The following ENOX1 variants were observed in gnomAD, a reference collection of about 807,000 sequenced individuals.
ENOX1 encodes the protein candidate growth-related and time keeping constitutive hydroquinone (NADH) oxidase.
ENOX1 carries 42 observed loss-of-function variants against 82.5 expected under a neutral mutation model. The observed-to-expected ratio is 0.51, with a 90% confidence interval of 0.40 to 0.66. The LOEUF is 0.66. Ranked by LOEUF, ENOX1 falls within the 30% of genes least tolerant of loss-of-function variation. The pLI, the probability that ENOX1 is intolerant of heterozygous loss-of-function variation, is 0.00. For missense variants in ENOX1, 608 were observed against 811.6 expected, an observed-to-expected ratio of 0.75 and a Z score of 3.05; for synonymous variants, 271 against 282.2, an observed-to-expected ratio of 0.96 and a Z score of 0.40.
intron 1 of ENOX1, among the ~76,000 whole-genome samples, chr13:43,704,691 T>C (rs561418172): frequency 1.3e-5 from 2 of 152,300 alleles, no homozygotes; most frequent in East Asian, 3.9e-4. Flanking sequence ...AATCCTTGGC[T>C]GATCACTTAA....
chr13:43,772,641 C>T (rs1215492322), intron 1 of ENOX1, among the ~76,000 whole-genome samples: 3 of 150,954 alleles, frequency 2.0e-5, no homozygotes, highest in African/African-American at 7.3e-5. Flanking sequence ...CCCAGCTACT[C>T]GGGAGGCTGA....
intron 2 of ENOX1, among the ~76,000 whole-genome samples, chr13:43,538,635 A>G (rs1410550427): frequency 6.6e-6 from 1 of 152,184 alleles, no homozygotes; most frequent in East Asian, 1.9e-4. Context: ...TGTTTTCATC[A>G]GGATTTTGTA....
rs9567157 is a variant in ENOX1, at chr13:43,351,416, A to T, written c.823+4503T>A. ...TCTTTTTATTTTATTTATTTATTTT[A>T]TTTATTTATTTATTTATTTTTTATT... is the stretch of plus-strand genomic sequence containing the variant. On this transcript the variant is annotated intron_variant, in intron 8 of 16. Transcript: ENST00000690772. Among the ~76,000 whole-genome samples the T allele has an allele frequency of 6.8e-4, 37 of 54,128 alleles. No individual in the cohort carries two copies. In the East Asian group the frequency reaches 0.02, roughly 29 times the overall value. 35.5% of individuals were successfully genotyped at this position (54,128 alleles called of 152,430 possible).
chr13:43,283,313 G>A (rs1301986542), intron 12 of ENOX1, among the ~76,000 whole-genome samples: 2 of 151,764 alleles, frequency 1.3e-5, no homozygotes, highest in African/African-American at 4.8e-5. Context: ...CTTGATACAT[G>A]TTGCCAAAGA....
chr13:43,365,454 C>T (rs1469516883), intron 5 of ENOX1, among the ~76,000 whole-genome samples: 1 of 152,218 alleles, frequency 6.6e-6, no homozygotes, highest in Admixed American at 6.5e-5. Flanking sequence ...GACAAAGTGG[C>T]TGAACACAGA....
At chr13:43,614,047 G>C (rs980636497) in intron 2 of ENOX1, among the ~76,000 whole-genome samples, 1 of 152,110 alleles carries the variant, frequency 6.6e-6, no homozygotes, top group South Asian at 2.1e-4. Context: ...TAAAAGGTGG[G>C]GCAACAGGGC....
intron 3 of ENOX1, among the ~76,000 whole-genome samples, chr13:43,470,267 TATACACATATATATACATATATATATAC>T (rs1566305132): frequency 1.8e-4 from 8 of 44,700 alleles, no homozygotes; most frequent in African/African-American, 4.8e-4. Flanking sequence ...TATACATATA[TATACACATATATATACATATATATATAC>T]ACATATATAT....
intron 15 of ENOX1, among the ~76,000 whole-genome samples, chr13:43,235,316 T>G (rs1281607648): frequency 1.3e-5 from 2 of 152,222 alleles, no homozygotes; most frequent in African/African-American, 4.8e-5. Flanking sequence ...AACCCTGTAG[T>G]TGAAAAATCT....
chr13:43,548,616 G>T (rs1343682194), intron 2 of ENOX1, among the ~76,000 whole-genome samples: 1 of 152,188 alleles, frequency 6.6e-6, no homozygotes, highest in Non-Finnish European at 1.5e-5. Context: ...AAATGTCTCA[G>T]GATTGGGTCT....
chr13:43,478,612 A>C (rs1303402577), intron 3 of ENOX1, among the ~76,000 whole-genome samples: 1 of 152,138 alleles, frequency 6.6e-6, no homozygotes, highest in Non-Finnish European at 1.5e-5. Flanking sequence ...GATACATCTT[A>C]TCATGTAGTA....
At chr13:43,680,604 T>C (rs1381555973) in intron 1 of ENOX1, among the ~76,000 whole-genome samples, 1 of 152,188 alleles carries the variant, frequency 6.6e-6, no homozygotes, top group East Asian at 1.9e-4. Flanking sequence ...CGGCAAGTTA[T>C]TTAACCTCTC....
chr13:43,245,717 T>C (rs928990503), intron 14 of ENOX1, among the ~76,000 whole-genome samples: 1 of 152,160 alleles, frequency 6.6e-6, no homozygotes, highest in Non-Finnish European at 1.5e-5. Flanking sequence ...AAGGTCTGTA[T>C]AAGGGGAGCC....
intron 3 of ENOX1, among the ~76,000 whole-genome samples, chr13:43,445,892 TA>T (rs2056626919): frequency 1.3e-5 from 2 of 152,262 alleles, no homozygotes; most frequent in African/African-American, 4.8e-5. Flanking sequence ...TTCACAGACA[TA>T]AACCTGGGAG....
chr13:43,551,980 T>G (rs2079216070), intron 2 of ENOX1, among the ~76,000 whole-genome samples: 1 of 152,206 alleles, frequency 6.6e-6, no homozygotes, highest in South Asian at 2.1e-4. Flanking sequence ...TCTCTGTATT[T>G]TAATGTCCTG....
At chr13:43,763,428 T>C (rs1430980018) in intron 1 of ENOX1, among the ~76,000 whole-genome samples, 4 of 152,200 alleles carry the variant, frequency 2.6e-5, no homozygotes, top group Admixed American at 6.5e-5. Flanking sequence ...CATGATCTAA[T>C]TACCGGTGGA....
At chr13:43,532,012 C>T (rs151081093) in intron 2 of ENOX1, among the ~76,000 whole-genome samples, 3,858 of 151,852 alleles carry the variant, frequency 0.025, 77 homozygotes, top group Admixed American at 0.062. Flanking sequence ...CAACATTGCA[C>T]ATGTATACAT....
At chr13:43,421,891 T>C (rs990931381) in intron 3 of ENOX1, among the ~76,000 whole-genome samples, 4 of 149,884 alleles carry the variant, frequency 2.7e-5, no homozygotes, top group Non-Finnish European at 4.4e-5. Context: ...AATATAAATA[T>C]TTTACATGTA....
chr13:43,650,917 G>T (rs569844636), intron 2 of ENOX1, among the ~76,000 whole-genome samples: 3 of 152,256 alleles, frequency 2.0e-5, no homozygotes, highest in South Asian at 2.1e-4. Context: ...CTTTTGTTCA[G>T]GAACCTCATC....
At chr13:43,606,698 A>G (rs1283504195) in intron 2 of ENOX1, among the ~76,000 whole-genome samples, 1 of 152,122 alleles carries the variant, frequency 6.6e-6, no homozygotes, top group African/African-American at 2.4e-5. Flanking sequence ...GTACAAAAAT[A>G]TAATTAGATA....
Sources: gnomAD v4.1 joint callset for allele counts (sites outside exome capture counted in the v4.1 genomes callset) on GRCh38, gnomAD v4.1.1 for gene constraint, MANE v1.5 for transcripts, NCBI Gene and HGNC (gene_info 2026-07-23, HGNC 2026-07-21) for gene names.